DLEU7: variants seen among roughly 807,000 people sequenced by gnomAD.
DLEU7 encodes the protein deleted in lymphocytic leukemia 7.
A neutral mutation model predicts 16.0 loss-of-function variants in DLEU7; 17 were observed. The ratio of observed to expected loss-of-function variants is 1.06; its 90% CI spans 0.73 to 1.59. The LOEUF (loss-of-function observed/expected upper bound fraction) is 1.59, where lower values mean the gene tolerates loss of function less well. DLEU7 is among the 40% of genes most tolerant of loss of function. The pLI is 0.00. For missense variants in DLEU7, 308 were observed against 314.9 expected (o/e 0.98, Z 0.17); for synonymous variants, 113 against 139.8 (o/e 0.81, Z 1.35).
chr13:50,826,890 AT>A lies in DLEU7; in HGVS notation c.460-3371del, dbSNP rs200210051. On this transcript the variant is annotated intron_variant, in intron 1 of 1. Coordinates refer to ENST00000504404, the MANE Select transcript of DLEU7 (RefSeq NM_001306135.2). The stretch of plus-strand genomic sequence containing the variant: ...AGCTTCAAATAACTGTCAACCTAGA[AT>A]TTTTTTTTTATTCCTACCAAACTAT... 5.4e-3 allele frequency among the ~76,000 whole-genome samples: 810 copies of A among 150,730 alleles called. 4 individuals carry two copies. The highest frequency in any genetic ancestry group is 8.0e-3 in the African/African-American group (329 of 41,172).
At chr13:50,717,240 CA>C (rs1004441318) in intron 1 of DLEU7, among the ~76,000 whole-genome samples, 1 of 152,082 alleles carries the variant, frequency 6.6e-6, no homozygotes, top group African/African-American at 2.4e-5. Flanking sequence ...TTGCTATATA[CA>C]AGGATATAGT....
intron 1 of DLEU7, among the ~76,000 whole-genome samples, chr13:50,731,626 G>A (rs77414473): frequency 6.6e-6 from 1 of 152,240 alleles, no homozygotes; most frequent in African/African-American, 2.4e-5. Context: ...ACAAGCCCAG[G>A]CAAGTCTACA....
At chr13:50,774,853 T>C (rs1456999520) in intron 1 of DLEU7, among the ~76,000 whole-genome samples, 10 of 152,124 alleles carry the variant, frequency 6.6e-5, no homozygotes, top group African/African-American at 2.4e-4. Context: ...TCCTTTCTTT[T>C]GTTGTGTTAA....
At chr13:50,768,929 C>T (rs1028997919) in intron 1 of DLEU7, among the ~76,000 whole-genome samples, 2 of 152,212 alleles carry the variant, frequency 1.3e-5, no homozygotes, top group Non-Finnish European at 2.9e-5. Context: ...TATTTCTCCA[C>T]ATCCTCTCCA....
At chr13:50,798,285 A>G (rs544090820) in intron 1 of DLEU7, among the ~76,000 whole-genome samples, 28 of 152,348 alleles carry the variant, frequency 1.8e-4, no homozygotes, top group Non-Finnish European at 2.8e-4. Flanking sequence ...ATATGTGTAC[A>G]ACACAATATG....
At chr13:50,764,365 A>G (rs947131121) in intron 1 of DLEU7, among the ~76,000 whole-genome samples, 7 of 152,328 alleles carry the variant, frequency 4.6e-5, no homozygotes, top group African/African-American at 1.2e-4. Flanking sequence ...TAGTTCCACC[A>G]GAAGCTCATC....
At chr13:50,841,395 ATTT>A (rs1044144097) in intron 1 of DLEU7, among the ~76,000 whole-genome samples, 1 of 149,436 alleles carries the variant, frequency 6.7e-6, no homozygotes, top group Non-Finnish European at 1.5e-5. Context: ...AATAACATGT[ATTT>A]TTTTTTTAAA....
At chr13:50,799,445 T>C (rs575261798) in intron 1 of DLEU7, among the ~76,000 whole-genome samples, 69 of 152,354 alleles carry the variant, frequency 4.5e-4, no homozygotes, top group African/African-American at 1.6e-3. Context: ...CTCCAGCCGG[T>C]TGGTCAGATT....
At chr13:50,834,549 C>T (rs923404826) in intron 1 of DLEU7, among the ~76,000 whole-genome samples, 9 of 152,024 alleles carry the variant, frequency 5.9e-5, no homozygotes, top group Non-Finnish European at 1.3e-4. Flanking sequence ...ACAACATATG[C>T]GGGAGAGTAT....
At chr13:50,788,128 G>A (rs911868599) in intron 1 of DLEU7, among the ~76,000 whole-genome samples, 2 of 152,108 alleles carry the variant, frequency 1.3e-5, no homozygotes, top group Admixed American at 6.5e-5. Context: ...GAGTTCCACC[G>A]GACCTCGCAT....
Position 50,782,260 on chromosome 13 carries a change from T to C in DLEU7, c.459+60928A>G, listed in dbSNP as rs377012297. On this transcript the variant is annotated intron_variant, in intron 1 of 1. Transcript: ENST00000400393. ...CTAGACTTTAGTACAGTGACTGGCA[T>C]GGTTCCTGAAACAAAAGCCATTTCC... is the stretch of plus-strand genomic sequence containing the variant. Among the ~76,000 whole-genome samples, 474 of 152,352 alleles carry C rather than the reference T, an allele frequency of 3.1e-3. 2 individuals carry two copies. The highest frequency in any genetic ancestry group is 0.011 in the African/African-American group (451 of 41,582).
chr13:50,778,573 G>A (rs1875566724), intron 1 of DLEU7, among the ~76,000 whole-genome samples: 1 of 152,184 alleles, frequency 6.6e-6, no homozygotes, highest in African/African-American at 2.4e-5. Context: ...ATAGCTGTTG[G>A]CTGTTGTCTT....
intron 1 of DLEU7, among the ~76,000 whole-genome samples, chr13:50,744,082 A>G (rs1000392328): frequency 7.2e-5 from 11 of 152,000 alleles, no homozygotes; most frequent in African/African-American, 1.7e-4. Flanking sequence ...TTCTGTTCCC[A>G]TTTGCTTTGT....
chr13:50,830,650 G>A (rs981325070), intron 1 of DLEU7, among the ~76,000 whole-genome samples: 1 of 152,184 alleles, frequency 6.6e-6, no homozygotes, highest in Non-Finnish European at 1.5e-5. Flanking sequence ...GTGTGCTTAG[G>A]AGGCAATCCA....
chr13:50,794,043 A>C (rs7326218), intron 1 of DLEU7, among the ~76,000 whole-genome samples: 1 of 151,956 alleles, frequency 6.6e-6, no homozygotes, highest in Non-Finnish European at 1.5e-5. Context: ...TGGTAGGTAG[A>C]TGTGCAGTTT....
chr13:50,751,503 G>A (rs771593933), intron 1 of DLEU7, among the ~76,000 whole-genome samples: 5 of 152,120 alleles, frequency 3.3e-5, no homozygotes, highest in African/African-American at 4.8e-5. Flanking sequence ...TCATCAAAAG[G>A]ATTGGTACCA....
At chr13:50,803,434 T>A (rs543908505) in intron 1 of DLEU7, among the ~76,000 whole-genome samples, 31 of 152,258 alleles carry the variant, frequency 2.0e-4, no homozygotes, top group African/African-American at 7.5e-4. Flanking sequence ...TATTAGAATA[T>A]TCTACATTAA....
intron 1 of DLEU7, among the ~76,000 whole-genome samples, chr13:50,816,372 G>A (rs573222782): frequency 6.6e-6 from 1 of 152,072 alleles, no homozygotes; most frequent in African/African-American, 2.4e-5. Flanking sequence ...GAGTTACAGA[G>A]GAAATAGGTG....
At chr13:50,808,806 A>C (rs1038010602) in intron 1 of DLEU7, 1 of 152,094 alleles carries the variant, frequency 6.6e-6, no homozygotes, top group South Asian at 2.1e-4. Flanking sequence ...TTAAATAAGA[A>C]ATTGCTGATA....
Sources: gnomAD v4.1 joint callset for allele counts (sites outside exome capture counted in the v4.1 genomes callset) on GRCh38, gnomAD v4.1.1 for gene constraint, MANE v1.5 for transcripts, NCBI Gene and HGNC (gene_info 2026-07-23, HGNC 2026-07-21) for gene names.